Variants in OSBPL8 observed in about 807,000 individuals in gnomAD.
OSBPL8 encodes the protein oxysterol binding protein like 8.
OSBPL8 carries 59 observed loss-of-function variants against 125.5 expected under a neutral mutation model. The ratio of observed to expected loss-of-function variants is 0.47; its 90% CI spans 0.38 to 0.58. The LOEUF (loss-of-function observed/expected upper bound fraction) is 0.58. Among genes scored for constraint, OSBPL8 ranks in the 20% least tolerant of loss-of-function variants. The pLI is 0.00. For missense variants in OSBPL8, 758 were observed against 1,047.8 expected (o/e 0.72, Z 3.82); for synonymous variants, 330 against 338.9 (o/e 0.97, Z 0.29).
chr12:76,407,461 TG>T (rs1197094171), intron 5 of OSBPL8, among the ~76,000 whole-genome samples: 1 of 152,162 alleles, frequency 6.6e-6, no homozygotes, highest in Non-Finnish European at 1.5e-5. Context: ...ATGTCCAGGC[TG>T]GTCTTAAACT....
chr12:76,483,970 C>T (rs1423586817), intron 2 of OSBPL8, among the ~76,000 whole-genome samples: 1 of 151,976 alleles, frequency 6.6e-6, no homozygotes, highest in Non-Finnish European at 1.5e-5. Context: ...CCACTGAGCC[C>T]GGCCTTGTAA....
intron 7 of OSBPL8, among the ~76,000 whole-genome samples, chr12:76,398,862 C>T (rs1161848151): frequency 2.0e-5 from 3 of 151,860 alleles, no homozygotes; most frequent in East Asian, 1.9e-4. Flanking sequence ...ACAAGAGAGG[C>T]GAAAGGGAGA....
intron 3 of OSBPL8, among the ~76,000 whole-genome samples, chr12:76,454,935 G>A (rs1873843952): frequency 6.6e-6 from 1 of 152,014 alleles, no homozygotes. Context: ...GCAGGCTCAG[G>A]GATAAAAAAG....
intron 4 of OSBPL8, among the ~76,000 whole-genome samples, chr12:76,427,288 C>T (rs965737576): frequency 1.3e-5 from 2 of 152,006 alleles, no homozygotes; most frequent in Non-Finnish European, 2.9e-5. Flanking sequence ...CTACAACCTA[C>T]CTTGCCTATA....
intron 1 of OSBPL8, among the ~76,000 whole-genome samples, chr12:76,510,949 C>A (rs997405200): frequency 2.6e-5 from 4 of 151,462 alleles, no homozygotes; most frequent in African/African-American, 7.3e-5. Flanking sequence ...TCCGGACATA[C>A]AGAAAACAAA....
At chr12:76,506,576 T>G (rs1356474405) in intron 1 of OSBPL8, among the ~76,000 whole-genome samples, 1 of 152,156 alleles carries the variant, frequency 6.6e-6, no homozygotes, top group African/African-American at 2.4e-5. Flanking sequence ...TATATATCTA[T>G]GTAAAAAGAG....
rs181689347 is a variant in OSBPL8, at chr12:76,356,994, A to C, written c.2435-266T>G. ...AATTAAAACAGAAATAATTCATTAGAAATACATATTAACTTGAGGAAGGTA... is the reference window on the plus strand; with the variant it reads ...AATTAAAACAGAAATAATTCATTAGCAATACATATTAACTTGAGGAAGGTA... On this transcript the variant is annotated intron_variant, in intron 22 of 23. Coordinates refer to ENST00000261183, the MANE Select transcript of OSBPL8 (RefSeq NM_020841.5). Among the ~76,000 whole-genome samples the C allele has an allele frequency of 6.3e-3, 937 of 148,900 alleles. 8 individuals are homozygous for C. The highest frequency in any genetic ancestry group is 0.023 in the African/African-American group (906 of 38,694).
chr12:76,373,558 T>TA lies in OSBPL8; in HGVS notation c.1828-126dup, dbSNP rs906179508. 2.4e-5 allele frequency: 12 copies of TA among 505,406 alleles called. 1 individual carries two copies. The highest frequency in any genetic ancestry group is 2.3e-4 in the South Asian group (5 of 21,590). 31.3% of individuals were successfully genotyped at this position (505,406 alleles called of 1,614,324 possible). ...ACAGTACTATTGAATGCACAAGCAG[T>TA]AAAAAAATACTGACTCAAATTTTAG... On this transcript the variant is annotated intron_variant, in intron 17 of 23. Coordinates refer to ENST00000261183, the MANE Select transcript of OSBPL8 (RefSeq NM_020841.5).
At chr12:76,403,743 T>C (rs1161520518) in intron 5 of OSBPL8, among the ~76,000 whole-genome samples, 3 of 152,180 alleles carry the variant, frequency 2.0e-5, no homozygotes, top group African/African-American at 7.2e-5. Context: ...AAATGGTGGC[T>C]TTCAAATGTT....
At position 76,356,553 on chromosome 12, in the gene OSBPL8, T is replaced by C. The variant is rs185830066; in HGVS notation, c.2537+73A>G. 4.4e-4 allele frequency: 405 copies of C among 921,346 alleles called. 1 individual carries two copies. The highest frequency in any genetic ancestry group is 3.3e-3 in the Admixed American group (135 of 41,358). The allele number at this position is 921,346 out of a possible 1,614,324, so 57.1% of individuals were successfully genotyped here. A position where few individuals can be genotyped will look rare whatever the true frequency, so the allele number is the denominator to read the frequency against. On this transcript the variant is annotated intron_variant, in intron 23 of 23. Coordinates refer to ENST00000261183, the MANE Select transcript of OSBPL8 (RefSeq NM_020841.5). ...GTTATAAAAATATGAAGTCTGCATA[T>C]GATTTCCCATATAACAGGATTCTTA...
At chr12:76,425,204 A>C (rs1227291767) in intron 4 of OSBPL8, among the ~76,000 whole-genome samples, 1 of 152,196 alleles carries the variant, frequency 6.6e-6, no homozygotes, top group Non-Finnish European at 1.5e-5. Flanking sequence ...TTAGAGTAAA[A>C]TAAAGATATC....
intron 2 of OSBPL8, among the ~76,000 whole-genome samples, chr12:76,483,201 C>A (rs772545149): frequency 6.6e-6 from 1 of 152,008 alleles, no homozygotes; most frequent in Non-Finnish European, 1.5e-5. Context: ...CAGGAGGTTG[C>A]AGTGAGCCGA....
At chr12:76,508,085 C>T (rs11829924) in intron 1 of OSBPL8, among the ~76,000 whole-genome samples, 30,894 of 151,500 alleles carry the variant, frequency 0.2, 3,375 homozygotes, top group Non-Finnish European at 0.26. Context: ...GCAGGGGAAT[C>T]GCTTGAACCT....
chr12:76,362,741 T>C (rs1271192511), intron 21 of OSBPL8, among the ~76,000 whole-genome samples: 3 of 152,198 alleles, frequency 2.0e-5, no homozygotes, highest in Non-Finnish European at 2.9e-5. Flanking sequence ...GAAGTCAAAT[T>C]GTCTCTGTTT....
intron 1 of OSBPL8, among the ~76,000 whole-genome samples, chr12:76,543,630 T>G (rs571036764): frequency 6.6e-6 from 1 of 152,198 alleles, no homozygotes; most frequent in East Asian, 1.9e-4. Flanking sequence ...TAAGATAATT[T>G]TTGCAAAAAA....
chr12:76,353,292 A>G lies in OSBPL8; in HGVS notation c.*2597T>C, dbSNP rs1565814280. ...ACTTAACATTTCACATGCCCTATTT[A>G]TTGTTGTTGTTTTTTTTTTTTTTTT... On this transcript the variant is annotated 3_prime_UTR_variant, in exon 24 of 24. Coordinates refer to ENST00000261183, the MANE Select transcript of OSBPL8 (RefSeq NM_020841.5). The G allele has an allele frequency of 9.4e-6, 1 of 106,736 alleles. No individual in the cohort carries two copies. The highest frequency in any genetic ancestry group is 4.7e-4 in the East Asian group (1 of 2,118). 6.6% of individuals were successfully genotyped at this position (106,736 alleles called of 1,614,324 possible). A position where few individuals can be genotyped will look rare whatever the true frequency, so the allele number is the denominator to read the frequency against.
chr12:76,473,389 A>C (rs1208681211), intron 2 of OSBPL8, among the ~76,000 whole-genome samples: 1 of 152,154 alleles, frequency 6.6e-6, no homozygotes. Flanking sequence ...CTACCATAGA[A>C]GTTTTAATTG....
At chr12:76,432,920 T>C (rs1345789954) in intron 4 of OSBPL8, among the ~76,000 whole-genome samples, 3 of 152,160 alleles carry the variant, frequency 2.0e-5, no homozygotes, top group African/African-American at 7.2e-5. Flanking sequence ...TATGGTCAAA[T>C]GGCATGCAAG....
chr12:76,525,990 GA>G (rs1950160416), intron 1 of OSBPL8, among the ~76,000 whole-genome samples: 1 of 152,324 alleles, frequency 6.6e-6, no homozygotes, highest in East Asian at 1.9e-4. Flanking sequence ...TGGGGTGCTG[GA>G]AATAGTCTAT....
Sources: allele counts gnomAD v4.1 joint callset (sites outside exome capture counted in the v4.1 genomes callset), GRCh38; gene constraint gnomAD v4.1.1; transcripts MANE v1.5; gene names NCBI Gene and HGNC (gene_info 2026-07-23, HGNC 2026-07-21).